The following ARMC10 variants were observed in gnomAD, a reference collection of about 807,000 sequenced individuals.
ARMC10 encodes armadillo repeat-containing protein 10.
In ARMC10, 23 loss-of-function variants were observed where a neutral mutation model predicts 30.2. That is an observed-to-expected ratio of 0.76 (90% CI 0.55 to 1.08). The LOEUF is 1.08. Ranked by LOEUF, ARMC10 falls within the 50% of genes least tolerant of loss-of-function variation. The probability of loss-of-function intolerance (pLI) is 0.00; values close to 1 mark genes in which losing one functional copy is unlikely to be tolerated. For missense variants in ARMC10, 303 were observed against 413.7 expected (o/e 0.73, Z 2.32); for synonymous variants, 111 against 164.4 (o/e 0.68, Z 2.48).
intron 5 of ARMC10, among the ~76,000 whole-genome samples, chr7:103,093,809 C>T (rs1801548608): frequency 6.6e-6 from 1 of 152,206 alleles, no homozygotes; most frequent in African/African-American, 2.4e-5. Context: ...CAAGTCTGGC[C>T]TTGGGGCTGT....
At chr7:103,084,179 A>G (rs1800631586) in intron 3 of ARMC10, 3 of 504,982 alleles carry the variant, frequency 5.9e-6, no homozygotes, top group Non-Finnish European at 9.6e-6. Context: ...TTTAAATTGT[A>G]TATCGGTCTT....
chr7:103,080,394 A>G (rs1204322155), intron 2 of ARMC10, among the ~76,000 whole-genome samples: 1 of 151,848 alleles, frequency 6.6e-6, no homozygotes, highest in East Asian at 1.9e-4. Context: ...AGCTGGGACT[A>G]CAGGCATGTG....
chr7:103,087,874 A>G lies in ARMC10; in HGVS notation c.528+1110A>G, dbSNP rs1450201505. The stretch of plus-strand genomic sequence containing the variant: ...ATTTTCTACAGAATTACAGATTACT[A>G]TGCTATGAAGCAAAAGCAGACCATT... On this transcript the variant is annotated intron_variant, in intron 4 of 6. Transcript: ENST00000323716. 5.4e-6 allele frequency: 4 copies of G among 738,038 alleles called. No individual in the cohort carries two copies. In the African/African-American group the frequency reaches 5.7e-5, roughly 11 times the overall value. 45.7% of individuals were successfully genotyped at this position (738,038 alleles called of 1,614,324 possible). A position where few individuals can be genotyped will look rare whatever the true frequency, so the allele number is the denominator to read the frequency against.
chr7:103,086,899 AAGAC>A, intron 4 of ARMC10, 135 bp downstream of exon 4: 2 of 1,521,278 alleles, frequency 1.3e-6, no homozygotes, highest in Non-Finnish European at 1.8e-6. Context: ...AATGGAGAAT[AAGAC>A]AGAAGAGGGA....
In ARMC10 at chr7:103,083,708, G is replaced by C. The variant is rs769407196; in HGVS notation, c.271G>C (p.Asp91His). ...PEDLTDGSYD[D>H]VLNAEQLQKL... ...AGACTTAACTGATGGTTCATATGAT[G>C]ATGTTCTAAATGCTGAACAACTTCA... is the stretch of plus-strand genomic sequence containing the variant. The change falls in exon 3 of 7, where the codon GAT becomes CAT. Residue 91 changes from aspartate to histidine, a missense_variant. Asp to His is a moderately conservative substitution (Grantham distance 81). Coordinates refer to ENST00000323716, the MANE Select transcript of ARMC10 (RefSeq NM_031905.5). 1 of 1,613,120 alleles carries C rather than the reference G, an allele frequency of 6.2e-7. No homozygotes were observed. The highest frequency in any genetic ancestry group is 1.1e-5 in the South Asian group (1 of 91,056).
intron 2 of ARMC10, among the ~76,000 whole-genome samples, chr7:103,080,852 T>A (rs1161099583): frequency 4.6e-5 from 7 of 151,662 alleles, no homozygotes; most frequent in Non-Finnish European, 8.8e-5. Context: ...GGTCTTGCAC[T>A]CCTAACCTCG....
chr7:103,091,668 A>G (rs1801341049), intron 4 of ARMC10, among the ~76,000 whole-genome samples: 2 of 126,986 alleles, frequency 1.6e-5, no homozygotes, highest in Non-Finnish European at 3.4e-5. Context: ...TAAGGTACTT[A>G]TTACTATGAT....
intron 4 of ARMC10, among the ~76,000 whole-genome samples, chr7:103,088,092 TC>T (rs1248192873): frequency 3.3e-5 from 5 of 152,096 alleles, no homozygotes; most frequent in African/African-American, 1.2e-4. Context: ...TCATTGACAA[TC>T]AATTAGAATA....
At chr7:103,094,938 G>A (rs1585785158) in intron 5 of ARMC10, among the ~76,000 whole-genome samples, 1 of 138,318 alleles carries the variant, frequency 7.2e-6, no homozygotes, top group East Asian at 2.2e-4. Context: ...TTTTTATCAT[G>A]ACCAAGTAGT....
intron 4 of ARMC10, among the ~76,000 whole-genome samples, chr7:103,091,510 A>G (rs375476362): frequency 7.4e-6 from 1 of 135,032 alleles, no homozygotes; most frequent in Non-Finnish European, 1.7e-5. Context: ...ATATATATAT[A>G]TACACACCTA....
At chr7:103,091,682 A>G (rs181105373) in intron 4 of ARMC10, among the ~76,000 whole-genome samples, 4 of 47,952 alleles carry the variant, frequency 8.3e-5, no homozygotes, top group African/African-American at 1.0e-4. Flanking sequence ...CTATGATACA[A>G]AATGGCCTCA....
intron 2 of ARMC10, among the ~76,000 whole-genome samples, chr7:103,077,779 A>G (rs923351445): frequency 2.0e-5 from 3 of 151,628 alleles, no homozygotes; most frequent in Non-Finnish European, 4.4e-5. Context: ...CTGGACTCAG[A>G]TATCTTCTCA....
chr7:103,075,293 G>C lies in ARMC10; in HGVS notation c.21G>C (p.Ala7=), dbSNP rs983961313. The C allele has an allele frequency of 9.4e-5, 115 of 1,226,124 alleles. No homozygotes were observed. In the African/African-American group the frequency reaches 1.7e-3, roughly 18 times the overall value. 76.0% of individuals were successfully genotyped at this position (1,226,124 alleles called of 1,614,324 possible). Residue 7 remains alanine (A), a synonymous_variant, in exon 1 of 7, where the codon GCG becomes GCC. Transcript: ENST00000323716. MGGPRG[A]GWVAAGLLLG... The stretch of plus-strand genomic sequence containing the variant: ...GCAGCATGGGTGGCCCCCGGGGCGC[G>C]GGCTGGGTGGCGGCGGGCCTGCTGC...
At chr7:103,096,936 G>A (rs998872100) in intron 5 of ARMC10, 2 of 289,296 alleles carry the variant, frequency 6.9e-6, no homozygotes, top group Non-Finnish European at 6.4e-6. Context: ...AAATAACCGT[G>A]TGATAGAAAA....
At chr7:103,096,602 G>A (rs1419279888) in intron 5 of ARMC10, 1 of 152,302 alleles carries the variant, frequency 6.6e-6, no homozygotes, top group African/African-American at 2.4e-5. Context: ...TGGGGTCTAA[G>A]GGTCTCACTA....
intron 1 of ARMC10, 24 bp from the exon 2 acceptor site, chr7:103,075,753 C>CCATA (rs1799700704): frequency 6.4e-7 from 1 of 1,571,070 alleles, no homozygotes; most frequent in African/African-American, 1.3e-5. Context: ...GGGCCCAGAG[C>CCATA]CATAGGTCAA....
At chr7:103,089,142 G>A (rs947654643) in intron 4 of ARMC10, 1 of 218,362 alleles carries the variant, frequency 4.6e-6, no homozygotes, top group African/African-American at 2.3e-5. Flanking sequence ...ATAAACTCTA[G>A]CAATTTGGCA....
At chr7:103,092,444 T>C (rs758462732) in intron 4 of ARMC10, 33 bp from the exon 5 acceptor site, 10 of 1,506,358 alleles carry the variant, frequency 6.6e-6, no homozygotes, top group Non-Finnish European at 9.0e-6. Flanking sequence ...TTTTGGAGAT[T>C]CTAAGATGCT....
Position 103,097,355 on chromosome 7 carries a change from A to C in ARMC10, c.777+7A>C, listed in dbSNP as rs1585794030. 3.1e-6 allele frequency: 5 copies of C among 1,588,440 alleles called. No homozygotes were observed. Among genetic ancestry groups the C allele is most frequent in the Non-Finnish European group, 4.3e-6 (5 of 1,157,562 alleles). Reference sequence around the variant, plus strand: ...AGGACTTCTCCGTGCCCAAGTAAATAGCTTATATATTTATTTTGTAAATAT... The same window carrying C: ...AGGACTTCTCCGTGCCCAAGTAAATCGCTTATATATTTATTTTGTAAATAT... On this transcript the variant is annotated splice_region_variant and intron_variant, in intron 6 of 6. Transcript: ENST00000323716.
Sources: gnomAD v4.1 joint callset for allele counts (sites outside exome capture counted in the v4.1 genomes callset) on GRCh38, gnomAD v4.1.1 for gene constraint, MANE v1.5 for transcripts, NCBI Gene and HGNC (gene_info 2026-07-23, HGNC 2026-07-21) for gene names.